Variants in VPS18 observed in about 807,000 individuals in gnomAD.
VPS18 encodes vacuolar protein sorting-associated protein 18 homolog.
In VPS18, 25 loss-of-function variants were observed where a neutral mutation model predicts 82.0. That is an observed-to-expected ratio of 0.30 (90% CI 0.22 to 0.43). VPS18 has a LOEUF of 0.43. VPS18 is among the 20% of genes least tolerant of loss of function. The pLI is 1.00. For missense variants in VPS18, 1,168 were observed against 1,311.1 expected (o/e 0.89, Z 1.69); for synonymous variants, 523 against 543.0 (o/e 0.96, Z 0.51).
chr15:40,901,331 C>CT (rs781344617), intron 4 of VPS18, among the ~76,000 whole-genome samples: 15 of 152,188 alleles, frequency 9.9e-5, no homozygotes, highest in Non-Finnish European at 2.2e-4. Context: ...GGTGTGGTGG[C>CT]TTGCGCCAGC....
At position 40,899,821 on chromosome 15, in the gene VPS18, T is replaced by C; in HGVS notation, c.1003T>C (p.Phe335Leu). 6.2e-7 allele frequency: 1 copy of C among 1,610,012 alleles called. No individual in the cohort carries two copies. Among genetic ancestry groups the C allele is most frequent in the East Asian group, 2.2e-5 (1 of 44,868 alleles). The change falls in exon 4 of 5, where the codon TTC (phenylalanine) becomes CTC (leucine). Residue 335 changes from phenylalanine (F) to leucine (L), a missense_variant. This residue lies in a region of VPS18 where 868 missense variants were observed against 939.8 expected (regional missense o/e 0.92). Transcript: ENST00000220509. The surrounding 1 kb of genome is among the most constrained non-coding windows in gnomAD (Gnocchi z 4.4). ...PLAIVLTQFH[F>L]LLLLADRVEA... is the part of the protein sequence containing the mutation. ...AGCCATCGTCTTGACCCAGTTCCAC[T>C]TCCTGCTGCTACTGGCAGACCGGGT...
rs138350354 is a variant in VPS18 at position 40,896,066 on chromosome 15, G to A, written c.220G>A (p.Asp74Asn). 44 of 1,614,068 alleles carry A rather than the reference G, an allele frequency of 2.7e-5. No individual in the cohort carries two copies. Among genetic ancestry groups the A allele is most frequent in the Non-Finnish European group, 3.5e-5 (41 of 1,180,028 alleles). Residue 74 changes from aspartate to asparagine, a missense_variant, in exon 2 of 5, where the codon GAT (aspartate) becomes AAT (asparagine). By Grantham distance (23) the Asp-to-Asn change is conservative. Transcript: ENST00000220509. ...SNQLCMSLGK[D>N]TLLRIDLGKA... ...TCAGCTGTGCATGAGCCTGGGCAAG[G>A]ATACACTGCTCCGGTAATCAAGAGC...
Position 40,902,700 on chromosome 15 carries a change from C to CG in VPS18, c.2283dup (p.His762AlafsTer18). 1.2e-6 allele frequency: 2 copies of CG among 1,614,268 alleles called. No homozygotes were observed. The highest frequency in any genetic ancestry group is 8.5e-7 in the Non-Finnish European group (1 of 1,180,052). On this transcript the variant is annotated frameshift_variant, in exon 5 of 5. Coordinates refer to ENST00000220509, the MANE Select transcript of VPS18 (RefSeq NM_020857.3). LOFTEE classifies it high-confidence loss of function. This position sits in a 1 kb window ranked among gnomAD's most constrained non-coding sequence, Gnocchi z 4.2. ...CAAGAAGCTGTGGCTGAAGATCGCACGGCACGTGGTGCAGGAAGAGGAAGA... is the reference window on the plus strand; with the variant it reads ...CAAGAAGCTGTGGCTGAAGATCGCACGGGCACGTGGTGCAGGAAGAGGAAGA...
At position 40,900,946 on chromosome 15, in the gene VPS18, C is replaced by T. The variant is rs759248198; in HGVS notation, c.2128C>T (p.His710Tyr). The T allele has an allele frequency of 7.4e-6, 12 of 1,612,530 alleles. No individual in the cohort carries two copies. The highest frequency in any genetic ancestry group is 1.0e-5 in the Non-Finnish European group (12 of 1,180,026). The change falls in exon 4 of 5, where the codon CAC (histidine) becomes TAC (tyrosine). Residue 710 changes from histidine to tyrosine, a missense_variant. Coordinates refer to ENST00000220509, the MANE Select transcript of VPS18 (RefSeq NM_020857.3). The surrounding 1 kb of genome is among the most constrained non-coding windows in gnomAD (Gnocchi z 5.4). ...GCGGCTCTGCGCCGAGCATGGCCAC[C>T]ACCGCGCTTGTGTCCATGTCTACAA... The part of the protein sequence containing the change: ...ALRLCAEHGH[H>Y]RACVHVYKVL...
chr15:40,903,211 A>G lies in VPS18; in HGVS notation c.2792A>G (p.Gln931Arg). 6.2e-7 allele frequency: 1 copy of G among 1,611,580 alleles called. No individual in the cohort carries two copies. The highest frequency in any genetic ancestry group is 8.5e-7 in the Non-Finnish European group (1 of 1,178,908). The change falls in exon 5 of 5, where the codon CAG becomes CGG. Residue 931 changes from glutamine to arginine, a missense_variant. Around this residue, in one of 3 missense-constraint regions of VPS18, gnomAD observed 296 missense variants for 354.0 expected, o/e 0.84. Coordinates refer to ENST00000220509, the MANE Select transcript of VPS18 (RefSeq NM_020857.3). Reference protein sequence around the residue: ...GAATAGPSREQLKADLDELVA... With the variant: ...GAATAGPSRERLKADLDELVA... Reference sequence around the variant, plus strand: ...GCCACGGCAGGGCCCAGCCGGGAACAGCTCAAGGCTGACCTGGATGAGTTG... The same window carrying G: ...GCCACGGCAGGGCCCAGCCGGGAACGGCTCAAGGCTGACCTGGATGAGTTG...
At chr15:40,896,458 G>T (rs1366716344) in intron 2 of VPS18, among the ~76,000 whole-genome samples, 9 of 151,550 alleles carry the variant, frequency 5.9e-5, no homozygotes, top group African/African-American at 2.2e-4. Context: ...GATCACTTGA[G>T]CCCAGGAGTT....
chr15:40,901,151 T>C (rs185308542), intron 4 of VPS18, 137 bp downstream of exon 4: 3 of 916,236 alleles, frequency 3.3e-6, no homozygotes, highest in Non-Finnish European at 4.8e-6. Flanking sequence ...GCATGGACTG[T>C]TAAGTCAGAT....
chr15:40,901,114 T>C, intron 4 of VPS18, 100 bp downstream of exon 4: 1 of 1,314,306 alleles, frequency 7.6e-7, no homozygotes, highest in Non-Finnish European at 1.0e-6. Context: ...GGGTGCTGGC[T>C]TCCCTTGCAG....
chr15:40,897,526 C>G (rs56660170), intron 2 of VPS18, among the ~76,000 whole-genome samples: 1 of 152,112 alleles, frequency 6.6e-6, no homozygotes, highest in Admixed American at 6.5e-5. Flanking sequence ...CATGAATTTT[C>G]TCAGTTGGGA....
At position 40,899,521 on chromosome 15, in the gene VPS18, G is replaced by A. The variant is rs1892301019; in HGVS notation, c.703G>A (p.Ala235Thr). 3.1e-6 allele frequency: 5 copies of A among 1,610,498 alleles called. No homozygotes were observed. The highest frequency in any genetic ancestry group is 4.2e-6 in the Non-Finnish European group (5 of 1,180,018). The change falls in exon 4 of 5, where the codon GCA (alanine) becomes ACA (threonine). Residue 235 changes from alanine to threonine, a missense_variant. Ala to Thr is a moderately conservative substitution (Grantham distance 58, BLOSUM62 0). Transcript: ENST00000220509. The surrounding 1 kb of genome is among the most constrained non-coding windows in gnomAD (Gnocchi z 4.4). ...RQRLFQFIGRAAEGAEAQGFS... is the reference protein window; with the variant it reads ...RQRLFQFIGRTAEGAEAQGFS... ...GCGCCTCTTCCAGTTCATAGGCCGA[G>A]CAGCAGAGGGGGCTGAGGCCCAGGG...
intron 1 of VPS18, 91 bp from the exon 2 acceptor site, chr15:40,895,845 AGT>A (rs1175803225): frequency 6.5e-7 from 1 of 1,536,268 alleles, no homozygotes; most frequent in Non-Finnish European, 8.9e-7. Context: ...ATGTCAGGAA[AGT>A]GGCGAGGAGC....
Position 40,900,558 on chromosome 15 carries a change from G to A in VPS18, c.1740G>A (p.Glu580=), listed in dbSNP as rs1331616773. Residue 580 remains glutamate, a synonymous_variant, in exon 4 of 5, where the codon GAG becomes GAA. Transcript: ENST00000220509. The surrounding 1 kb of genome is among the most constrained non-coding windows in gnomAD (Gnocchi z 5.4). The part of the protein sequence containing the change: ...VAYHCQHEAY[E]EALAVLARHR... ...ACCACTGTCAGCACGAGGCCTACGA[G>A]GAGGCCCTGGCCGTGCTCGCCCGCC... 1.2e-6 allele frequency: 2 copies of A among 1,613,864 alleles called. No homozygotes were observed. The highest frequency in any genetic ancestry group is 1.7e-5 in the Admixed American group (1 of 60,006).
rs557911997 is a variant in VPS18 at position 40,895,832 on chromosome 15, AAT to A, written c.92-103_92-102del. ...TGTTAACCAAGGTCCTGGGGATAGG[AAT>A]ATGTCAGGAAAGTGGCGAGGAGCAC... On this transcript the variant is annotated intron_variant, in intron 1 of 4. Coordinates refer to ENST00000220509, the MANE Select transcript of VPS18 (RefSeq NM_020857.3). 9.9e-5 allele frequency: 146 copies of A among 1,472,398 alleles called. 2 individuals carry two copies. The South Asian group carries it at 1.0e-3, about 10-fold the overall frequency. The allele number at this position is 1,472,398 out of a possible 1,614,324, so 91.2% of individuals were successfully genotyped here.
In VPS18 at chr15:40,903,412, C is replaced by T. The variant is rs1399045998; in HGVS notation, c.*71C>T. 6.7e-7 allele frequency: 1 copy of T among 1,502,920 alleles called. No individual in the cohort carries two copies. The highest frequency in any genetic ancestry group is 8.9e-7 in the Non-Finnish European group (1 of 1,127,392). 93.1% of individuals were successfully genotyped at this position (1,502,920 alleles called of 1,614,324 possible). ...TTGAACCCACTTGAGAAGGCTGCCT[C>T]CTAGGCTCTGCTCAGTCATCTTGCA... On this transcript the variant is annotated 3_prime_UTR_variant, in exon 5 of 5. Transcript: ENST00000220509.
At chr15:40,898,123 C>T (rs929912638) in intron 2 of VPS18, among the ~76,000 whole-genome samples, 2 of 152,218 alleles carry the variant, frequency 1.3e-5, no homozygotes, top group East Asian at 1.9e-4. Flanking sequence ...CCTGCCACCG[C>T]GCCCGGCTAA....
Position 40,898,913 on chromosome 15 carries a change from C to T in VPS18, c.240C>T (p.Asp80=). The T allele has an allele frequency of 1.2e-6, 2 of 1,614,074 alleles. No individual in the cohort carries two copies. The highest frequency in any genetic ancestry group is 1.7e-6 in the Non-Finnish European group (2 of 1,179,986). The change falls in exon 3 of 5, where the codon GAC becomes GAT. Residue 80 remains aspartate (D), a synonymous_variant. Transcript: ENST00000220509. ...SLGKDTLLRI[D]LGKANEPNHV... ...GTGACGCTTGTCCCCACAGCATTGA[C>T]TTGGGCAAGGCAAATGAGCCCAACC...
rs771224667 is a variant in VPS18 at position 40,899,218 on chromosome 15, C to G, written c.400C>G (p.Leu134Val). ...CCGAAATGGACAGAAGGTACGGCCA[C>G]TAGCACGCTGGAAGGGGCAGCTGGT... ...VNRNGQKVRP[L>V]ARWKGQLVES... is the part of the protein sequence containing the mutation. Residue 134 changes from leucine to valine, a missense_variant, in exon 4 of 5, where the codon CTA (leucine) becomes GTA (valine). Coordinates refer to ENST00000220509, the MANE Select transcript of VPS18 (RefSeq NM_020857.3). This position sits in a 1 kb window ranked among gnomAD's most constrained non-coding sequence, Gnocchi z 4.4. 6.2e-7 allele frequency: 1 copy of G among 1,614,244 alleles called. No homozygotes were observed. The highest frequency in any genetic ancestry group is 8.5e-7 in the Non-Finnish European group (1 of 1,180,050).
Position 40,902,717 on chromosome 15 carries a change from A to G in VPS18, c.2298A>G (p.Glu766=). 1 of 1,614,280 alleles carries G rather than the reference A, an allele frequency of 6.2e-7. No individual in the cohort carries two copies. The highest frequency in any genetic ancestry group is 8.5e-7 in the Non-Finnish European group (1 of 1,180,048). ...WLKIARHVVQ[E]EEDVQTAMAC... ...AGATCGCACGGCACGTGGTGCAGGA[A>G]GAGGAAGATGTACAGACAGCCATGG... Residue 766 remains glutamate (E), a synonymous_variant, in exon 5 of 5, where the codon GAA becomes GAG. Transcript: ENST00000220509. This position sits in a 1 kb window ranked among gnomAD's most constrained non-coding sequence, Gnocchi z 4.2.
rs1410564750 is a variant in VPS18, at chr15:40,899,045, G to A, written c.325+47G>A. 6.2e-7 allele frequency: 1 copy of A among 1,606,604 alleles called. No individual in the cohort carries two copies. Among genetic ancestry groups the A allele is most frequent in the East Asian group, 2.2e-5 (1 of 44,806 alleles). ...AGGAGGGGGTCTCTGGTCAGTCACTGCCTGGGTGGGTGGGCTCTGAGGGTG... is the reference window on the plus strand; with the variant it reads ...AGGAGGGGGTCTCTGGTCAGTCACTACCTGGGTGGGTGGGCTCTGAGGGTG... On this transcript the variant is annotated intron_variant, in intron 3 of 4. Coordinates refer to ENST00000220509, the MANE Select transcript of VPS18 (RefSeq NM_020857.3). The surrounding 1 kb of genome is among the most constrained non-coding windows in gnomAD (Gnocchi z 4.4).
Sources: gnomAD v4.1 joint callset for allele counts (sites outside exome capture counted in the v4.1 genomes callset) on GRCh38, gnomAD v4.1.1 for gene constraint, gnomAD v4.1.1 regional missense constraint, Gnocchi (gnomAD v3.1) non-coding constraint, MANE v1.5 for transcripts, NCBI Gene and HGNC (gene_info 2026-07-23, HGNC 2026-07-21) for gene names.